The following UNC5D variants were observed in gnomAD, a reference collection of about 807,000 sequenced individuals.
The protein encoded by UNC5D is unc-5 netrin receptor D.
In UNC5D, 39 loss-of-function variants were observed where a neutral mutation model predicts 105.4. The observed-to-expected ratio is 0.37, with a 90% CI of 0.29 to 0.48. The LOEUF is 0.48. UNC5D is among the 20% of genes least tolerant of loss of function. The pLI, the probability that UNC5D is intolerant of heterozygous loss-of-function variation, is 0.98. For missense variants in UNC5D, 991 were observed against 1,202.4 expected (o/e 0.82, Z 2.60); for synonymous variants, 452 against 450.4 (o/e 1.00, Z -0.04).
At position 35,790,791 on chromosome 8, in the gene UNC5D, C is replaced by T; in HGVS notation, c.*228C>T. On this transcript the variant is annotated 3_prime_UTR_variant, in exon 17 of 17. Coordinates refer to ENST00000404895, the MANE Select transcript of UNC5D (RefSeq NM_080872.4). ...GGCTCTACTATCTCCTTGGAATCCACATTTGGGTTAACTCCTCAGATTTGG... is the reference window on the plus strand; with the variant it reads ...GGCTCTACTATCTCCTTGGAATCCATATTTGGGTTAACTCCTCAGATTTGG... The T allele has an allele frequency of 1.8e-6, 1 of 566,692 alleles. No homozygotes were observed. The highest frequency in any genetic ancestry group is 3.0e-5 in the Admixed American group (1 of 32,924). The allele number at this position is 566,692 out of a possible 1,614,324, so 35.1% of individuals were successfully genotyped here.
chr8:35,457,116 A>G lies in UNC5D; in HGVS notation c.104-92176A>G, dbSNP rs139414817. On this transcript the variant is annotated intron_variant, in intron 1 of 16. Transcript: ENST00000404895. ...TAATACCTGCCGTTAATTAGGGTTG[A>G]TTTGAAAATGAAATCAAATAGCCTG... Among the ~76,000 whole-genome samples, 244 of 152,338 alleles carry G rather than the reference A, an allele frequency of 1.6e-3. 1 individual carries two copies. Among genetic ancestry groups the G allele is most frequent in the African/African-American group, 4.5e-3 (186 of 41,584 alleles).
intron 13 of UNC5D, among the ~76,000 whole-genome samples, chr8:35,752,606 T>A (rs1204053656): frequency 6.6e-6 from 1 of 151,934 alleles, no homozygotes; most frequent in Non-Finnish European, 1.5e-5. Flanking sequence ...TAGTTAAACC[T>A]CCTCCCACCA....
chr8:35,237,045 C>G (rs149645774), intron 1 of UNC5D, among the ~76,000 whole-genome samples: 1 of 152,078 alleles, frequency 6.6e-6, no homozygotes, highest in Non-Finnish European at 1.5e-5. Context: ...CCAATGTTAT[C>G]TCATTTTTAT....
chr8:35,418,779 G>A (rs186784150), intron 1 of UNC5D, among the ~76,000 whole-genome samples: 1 of 152,250 alleles, frequency 6.6e-6, no homozygotes, highest in South Asian at 2.1e-4. Flanking sequence ...CATTCAACTC[G>A]TTCCTCTGTT....
intron 1 of UNC5D, among the ~76,000 whole-genome samples, chr8:35,365,742 G>C (rs781712413): frequency 5.9e-5 from 9 of 152,042 alleles, no homozygotes; most frequent in Non-Finnish European, 1.3e-4. Context: ...TCACTGAATA[G>C]GAATAGAATC....
chr8:35,771,146 T>C (rs1182030897), intron 15 of UNC5D, among the ~76,000 whole-genome samples: 1 of 152,164 alleles, frequency 6.6e-6, no homozygotes, highest in African/African-American at 2.4e-5. Flanking sequence ...AATTACTTAT[T>C]TTTAGACTCA....
In UNC5D at chr8:35,450,752, C is replaced by T. The variant is rs549260905; in HGVS notation, c.104-98540C>T. On this transcript the variant is annotated intron_variant, in intron 1 of 16. Transcript: ENST00000404895. ...AATGTTGTGAAAATGATACGCCTTC[C>T]ATAGAAACCATAATTTGAGTACCCA... Among the ~76,000 whole-genome samples, 19 of 152,232 alleles carry T rather than the reference C, an allele frequency of 1.2e-4. 1 individual carries two copies. The South Asian group carries it at 3.9e-3, about 32-fold the overall frequency.
chr8:35,673,829 C>T (rs1279879495), intron 4 of UNC5D, among the ~76,000 whole-genome samples: 1 of 152,100 alleles, frequency 6.6e-6, no homozygotes, highest in East Asian at 1.9e-4. Context: ...CTCCAGTTGA[C>T]GTAGATCCAG....
chr8:35,553,204 T>G lies in UNC5D; in HGVS notation c.322+3694T>G, dbSNP rs189254281. Among the ~76,000 whole-genome samples, 686 of 152,290 alleles carry G rather than the reference T, an allele frequency of 4.5e-3. 2 individuals carry two copies. Among genetic ancestry groups the G allele is most frequent in the Non-Finnish European group, 6.1e-3 (412 of 68,012 alleles). ...GAAGTATTGCAAGCCAATTCAACAG[T>G]GCACCCTCTTCTAATTTCACTACAT... On this transcript the variant is annotated intron_variant, in intron 2 of 16. Coordinates refer to ENST00000404895, the MANE Select transcript of UNC5D (RefSeq NM_080872.4).
At chr8:35,481,416 A>G (rs1170946944) in intron 1 of UNC5D, among the ~76,000 whole-genome samples, 1 of 152,190 alleles carries the variant, frequency 6.6e-6, no homozygotes, top group Non-Finnish European at 1.5e-5. Context: ...AAGAAAAGAA[A>G]ACAGAAAATG....
chr8:35,415,459 T>C (rs566969628), intron 1 of UNC5D, among the ~76,000 whole-genome samples: 2 of 152,290 alleles, frequency 1.3e-5, no homozygotes, highest in African/African-American at 4.8e-5. Flanking sequence ...ACAGGGAAGA[T>C]AAATTCTCCA....
Position 35,365,772 on chromosome 8 carries a change from T to G in UNC5D, c.103+129885T>G, listed in dbSNP as rs912805302. On this transcript the variant is annotated intron_variant, in intron 1 of 16. Transcript: ENST00000404895. ...AGAATCCTGGTATTAAATAAAATAG[T>G]TTTTCCTTCTATAGGCCAGCTAGGT... Among the ~76,000 whole-genome samples the G allele has an allele frequency of 2.0e-5, 3 of 152,108 alleles. No individual in the cohort carries two copies. In the South Asian group the frequency reaches 6.2e-4, roughly 32 times the overall value.
intron 13 of UNC5D, among the ~76,000 whole-genome samples, chr8:35,755,156 T>G (rs1830457187): frequency 1.3e-5 from 2 of 152,168 alleles, no homozygotes; most frequent in Non-Finnish European, 1.5e-5. Flanking sequence ...TTGTCTTTTA[T>G]TACACACGAA....
At chr8:35,327,407 C>G (rs980684622) in intron 1 of UNC5D, among the ~76,000 whole-genome samples, 3 of 152,178 alleles carry the variant, frequency 2.0e-5, no homozygotes, top group Admixed American at 1.3e-4. Context: ...CCCGTGCATA[C>G]CACTGGTGTC....
At chr8:35,754,732 A>G (rs1188916893) in intron 13 of UNC5D, among the ~76,000 whole-genome samples, 1 of 152,162 alleles carries the variant, frequency 6.6e-6, no homozygotes, top group East Asian at 1.9e-4. Context: ...TACCCCCTAC[A>G]GGGCTACTCT....
chr8:35,308,435 C>T (rs1808609098), intron 1 of UNC5D, among the ~76,000 whole-genome samples: 1 of 152,050 alleles, frequency 6.6e-6, no homozygotes, highest in African/African-American at 2.4e-5. Context: ...GTCCAATTAA[C>T]AAATTTATTC....
At chr8:35,690,214 A>G (rs1826294939) in intron 7 of UNC5D, among the ~76,000 whole-genome samples, 1 of 152,180 alleles carries the variant, frequency 6.6e-6, no homozygotes, top group Non-Finnish European at 1.5e-5. Flanking sequence ...GGTGAAGTCT[A>G]TGAGATTATT....
At chr8:35,237,259 A>G (rs921811189) in intron 1 of UNC5D, among the ~76,000 whole-genome samples, 1 of 128,488 alleles carries the variant, frequency 7.8e-6, no homozygotes, top group African/African-American at 3.0e-5. Context: ...AGCGTCGGTG[A>G]TTGTACACCC....
intron 1 of UNC5D, chr8:35,255,301 T>C (rs956374676): frequency 1.3e-5 from 2 of 152,202 alleles, no homozygotes; most frequent in African/African-American, 4.8e-5. Context: ...GTTGTTATTT[T>C]TAACAACTGG....
Sources: allele counts gnomAD v4.1 joint callset (sites outside exome capture counted in the v4.1 genomes callset), GRCh38; gene constraint gnomAD v4.1.1; transcripts MANE v1.5; gene names NCBI Gene and HGNC (gene_info 2026-07-23, HGNC 2026-07-21).